EPHA6: variants seen among roughly 807,000 people sequenced by gnomAD.
EPHA6 encodes the protein ephrin type-A receptor 6.
A neutral mutation model predicts 112.0 loss-of-function variants in EPHA6; 50 were observed. The observed-to-expected ratio is 0.45, with a 90% confidence interval of 0.36 to 0.56. EPHA6 has a LOEUF of 0.56. Among genes scored for constraint, EPHA6 ranks in the 20% least tolerant of loss-of-function variants. The pLI is 0.00. For missense variants in EPHA6, 1,280 were observed against 1,417.4 expected (o/e 0.90, Z 1.56); for synonymous variants, 529 against 490.7 (o/e 1.08, Z -1.03).
intron 2 of EPHA6, among the ~76,000 whole-genome samples, chr3:96,975,619 G>A (rs1278062802): frequency 2.0e-5 from 3 of 152,150 alleles, no homozygotes; most frequent in African/African-American, 7.2e-5. Context: ...TACATCCAAG[G>A]TAACCTTGTA....
At chr3:97,160,704 T>C (rs2076394689) in intron 3 of EPHA6, among the ~76,000 whole-genome samples, 1 of 152,194 alleles carries the variant, frequency 6.6e-6, no homozygotes, top group Non-Finnish European at 1.5e-5. Flanking sequence ...TCATTGGCTG[T>C]AGCCCATGCA....
chr3:97,545,309 C>A (rs1455756468), intron 11 of EPHA6, among the ~76,000 whole-genome samples: 1 of 152,094 alleles, frequency 6.6e-6, no homozygotes, highest in Non-Finnish European at 1.5e-5. Context: ...TTTCTGCCTT[C>A]ATTTCATTAT....
chr3:97,507,698 C>T (rs1052426810), intron 10 of EPHA6, among the ~76,000 whole-genome samples: 1 of 152,106 alleles, frequency 6.6e-6, no homozygotes, highest in Non-Finnish European at 1.5e-5. Context: ...GGAGGAGTCC[C>T]TCTTTTTTCT....
intron 1 of EPHA6, among the ~76,000 whole-genome samples, chr3:96,823,224 ATTAG>A (rs1215450881): frequency 2.6e-5 from 4 of 151,788 alleles, no homozygotes; most frequent in South Asian, 4.1e-4. Context: ...AGGCCAATAA[ATTAG>A]TTATTCTGAG....
chr3:97,088,365 T>G (rs1207798843), intron 3 of EPHA6, among the ~76,000 whole-genome samples: 1 of 152,090 alleles, frequency 6.6e-6, no homozygotes, highest in African/African-American at 2.4e-5. Context: ...TTATCAACTT[T>G]TTGGCAAATA....
At chr3:97,123,515 T>C (rs2048101028) in intron 3 of EPHA6, among the ~76,000 whole-genome samples, 1 of 152,124 alleles carries the variant, frequency 6.6e-6, no homozygotes, top group African/African-American at 2.4e-5. Context: ...ATAGAAACTT[T>C]GGCAATACAT....
At chr3:97,330,586 G>A (rs1299258646) in intron 5 of EPHA6, among the ~76,000 whole-genome samples, 1 of 151,670 alleles carries the variant, frequency 6.6e-6, no homozygotes, top group African/African-American at 2.4e-5. Flanking sequence ...AGCAGGCAGG[G>A]GTTGCAATCC....
chr3:97,628,513 TG>T (rs1466329730), intron 13 of EPHA6, among the ~76,000 whole-genome samples: 2 of 151,992 alleles, frequency 1.3e-5, no homozygotes, highest in Non-Finnish European at 2.9e-5. Flanking sequence ...TGTTACTTCC[TG>T]ATCTGTTTTT....
chr3:96,983,476 G>A (rs2042894979), intron 2 of EPHA6, among the ~76,000 whole-genome samples: 1 of 152,122 alleles, frequency 6.6e-6, no homozygotes, highest in African/African-American at 2.4e-5. Context: ...CTCTCTGGCT[G>A]CCCTTAACAT....
intron 12 of EPHA6, among the ~76,000 whole-genome samples, chr3:97,599,793 A>G (rs1246898262): frequency 1.3e-5 from 2 of 152,058 alleles, no homozygotes; most frequent in African/African-American, 2.4e-5. Flanking sequence ...GTTTTTTCCA[A>G]TTCTGTGAAG....
intron 5 of EPHA6, among the ~76,000 whole-genome samples, chr3:97,385,223 A>T (rs1433650676): frequency 6.6e-6 from 1 of 152,180 alleles, no homozygotes; most frequent in Admixed American, 6.6e-5. Context: ...AAAGATATTT[A>T]AGAATTATAT....
chr3:97,016,737 A>G (rs1254500526), intron 3 of EPHA6, among the ~76,000 whole-genome samples: 1 of 152,196 alleles, frequency 6.6e-6, no homozygotes, highest in East Asian at 1.9e-4. Context: ...TAGTACAGCC[A>G]ATAACTATGG....
intron 3 of EPHA6, among the ~76,000 whole-genome samples, chr3:97,082,080 G>T (rs76702055): frequency 0.018 from 2,726 of 151,648 alleles, 86 homozygotes; most frequent in African/African-American, 0.056. Context: ...TGTTTATCAT[G>T]TATAACATGT....
At chr3:97,019,883 T>C (rs563786367) in intron 3 of EPHA6, among the ~76,000 whole-genome samples, 80 of 152,332 alleles carry the variant, frequency 5.3e-4, no homozygotes, top group Middle Eastern at 3.4e-3. Context: ...AGTATTTGTA[T>C]ATAGGTGTCG....
intron 11 of EPHA6, among the ~76,000 whole-genome samples, chr3:97,555,778 GT>G (rs1425842103): frequency 6.6e-6 from 1 of 151,896 alleles, no homozygotes; most frequent in Admixed American, 6.6e-5. Context: ...GGGGTTGTTT[GT>G]TTTTTTCTTG....
At chr3:97,187,682 AAAG>A (rs1241860996) in intron 3 of EPHA6, among the ~76,000 whole-genome samples, 3 of 130,072 alleles carry the variant, frequency 2.3e-5, no homozygotes, top group Admixed American at 1.5e-4. Context: ...AAAGAGAAAG[AAAG>A]AAGGAAAGAA....
intron 3 of EPHA6, among the ~76,000 whole-genome samples, chr3:97,090,890 A>G (rs1409655163): frequency 2.0e-5 from 3 of 152,134 alleles, no homozygotes; most frequent in African/African-American, 7.2e-5. Flanking sequence ...GAAAGCATGT[A>G]CCTTTAGAAC....
intron 3 of EPHA6, among the ~76,000 whole-genome samples, chr3:97,025,472 G>A (rs1172797105): frequency 1.3e-5 from 2 of 152,122 alleles, no homozygotes; most frequent in Non-Finnish European, 2.9e-5. Flanking sequence ...CTTTTGTTAT[G>A]CAGAAGCTCT....
intron 6 of EPHA6, among the ~76,000 whole-genome samples, chr3:97,439,899 A>G (rs2090045636): frequency 6.6e-6 from 1 of 152,162 alleles, no homozygotes; most frequent in Non-Finnish European, 1.5e-5. Context: ...TTAGTAGTTC[A>G]ATTCCCAGTG....
Sources: gnomAD v4.1 joint callset for allele counts (sites outside exome capture counted in the v4.1 genomes callset) on GRCh38, gnomAD v4.1.1 for gene constraint, MANE v1.5 for transcripts, NCBI Gene and HGNC (gene_info 2026-07-23, HGNC 2026-07-21) for gene names.